RGS6: variants seen among roughly 807,000 people sequenced by gnomAD.
The protein encoded by RGS6 is regulator of G protein signaling 6.
In RGS6, 30 loss-of-function variants were observed where a neutral mutation model predicts 78.5. The observed-to-expected ratio is 0.38, with a 90% CI of 0.29 to 0.52. The LOEUF (loss-of-function observed/expected upper bound fraction) is 0.52, where lower values mean the gene tolerates loss of function less well. Ranked by LOEUF, RGS6 falls within the 20% of genes least tolerant of loss-of-function variation. The probability of loss-of-function intolerance (pLI) is 0.85; values close to 1 mark genes in which losing one functional copy is unlikely to be tolerated. For missense variants in RGS6, 495 were observed against 609.7 expected, an observed-to-expected ratio of 0.81 and a Z score of 1.98; for synonymous variants, 206 against 206.0, an observed-to-expected ratio of 1.00 and a Z score of 0.00.
At chr14:72,139,675 T>C (rs942994540) in intron 2 of RGS6, among the ~76,000 whole-genome samples, 12 of 152,228 alleles carry the variant, frequency 7.9e-5, no homozygotes, top group African/African-American at 2.9e-4. Flanking sequence ...TTTTTTGCCA[T>C]TTATATTTTC....
At chr14:72,593,474 C>G in the RGS6 span, among the ~76,000 whole-genome samples, 1 of 152,158 alleles carries the variant, frequency 6.6e-6, no homozygotes, top group Non-Finnish European at 1.5e-5. Context: ...CAACCTCTGC[C>G]TCCAGGTTCA....
intron 3 of RGS6, among the ~76,000 whole-genome samples, chr14:72,401,259 G>GC (rs2092363807): frequency 6.6e-6 from 1 of 151,992 alleles, no homozygotes; most frequent in African/African-American, 2.4e-5. Flanking sequence ...AATTCTTTTT[G>GC]CGTGCTTCAT....
At chr14:72,106,472 G>A (rs529821089) in intron 2 of RGS6, among the ~76,000 whole-genome samples, 2 of 152,214 alleles carry the variant, frequency 1.3e-5, no homozygotes, top group Admixed American at 6.5e-5. Flanking sequence ...AGTATGAGGT[G>A]GACACTTTGA....
intron 2 of RGS6, among the ~76,000 whole-genome samples, chr14:72,008,888 G>C (rs1363219397): frequency 6.6e-6 from 1 of 152,202 alleles, no homozygotes; most frequent in East Asian, 1.9e-4. Context: ...TGGCTTGGCT[G>C]GCATCCAGGA....
chr14:72,377,016 A>T (rs1210716584), intron 3 of RGS6, among the ~76,000 whole-genome samples: 1 of 152,196 alleles, frequency 6.6e-6, no homozygotes, highest in East Asian at 1.9e-4. Context: ...ATACAAAACA[A>T]GTAAAAAGAA....
At chr14:72,477,813 AAAAG>A (rs2096276483) in intron 11 of RGS6, among the ~76,000 whole-genome samples, 1 of 147,420 alleles carries the variant, frequency 6.8e-6, no homozygotes, top group Non-Finnish European at 1.5e-5. Context: ...AAAAAAGAAA[AAAAG>A]AAAAAAAAAC....
chr14:72,518,270 G>A, intron 14 of RGS6, 81 bp from the exon 15 acceptor site: 1 of 1,354,222 alleles, frequency 7.4e-7, no homozygotes, highest in Non-Finnish European at 1.0e-6. Flanking sequence ...GGTTTCATGG[G>A]ACATCAGCTC....
intron 2 of RGS6, among the ~76,000 whole-genome samples, chr14:72,319,375 A>C (rs1395917647): frequency 6.9e-6 from 1 of 145,946 alleles, no homozygotes; most frequent in African/African-American, 2.6e-5. Context: ...TTTGAGACGG[A>C]GTCTCGCCCT....
At chr14:72,614,894 T>A in the RGS6 span, among the ~76,000 whole-genome samples, 1 of 150,216 alleles carries the variant, frequency 6.7e-6, no homozygotes, top group East Asian at 2.0e-4. Context: ...CCAGAGATCC[T>A]CACCCCTCCC....
At chr14:72,181,282 G>A (rs1050122339) in intron 2 of RGS6, among the ~76,000 whole-genome samples, 4 of 152,170 alleles carry the variant, frequency 2.6e-5, no homozygotes, top group African/African-American at 7.2e-5. Context: ...TTTCTTTGCT[G>A]GGTGATTATT....
intron 2 of RGS6, among the ~76,000 whole-genome samples, chr14:72,124,463 A>G (rs1177281556): frequency 1.3e-5 from 2 of 152,160 alleles, no homozygotes; most frequent in Admixed American, 6.5e-5. Context: ...CTATATTTAA[A>G]TTAGGGGCTT....
chr14:72,551,673 C>T (rs2097508718), intron 17 of RGS6, among the ~76,000 whole-genome samples: 1 of 152,196 alleles, frequency 6.6e-6, no homozygotes, highest in East Asian at 1.9e-4. Flanking sequence ...TTATGTGACC[C>T]TGGGCAAGTC....
chr14:72,296,051 A>G (rs143117454), intron 2 of RGS6, among the ~76,000 whole-genome samples: 24 of 152,324 alleles, frequency 1.6e-4, no homozygotes, highest in Non-Finnish European at 2.1e-4. Context: ...GCAATCACAG[A>G]TGTGATGTCT....
chr14:72,351,596 A>G (rs1229781708), intron 2 of RGS6, among the ~76,000 whole-genome samples: 1 of 152,086 alleles, frequency 6.6e-6, no homozygotes, highest in African/African-American at 2.4e-5. Flanking sequence ...ATGTTACTCT[A>G]GATGTATCCT....
intron 2 of RGS6, among the ~76,000 whole-genome samples, chr14:71,972,182 C>T (rs2093852554): frequency 6.6e-6 from 1 of 151,948 alleles, no homozygotes. Context: ...ATTATCCCAT[C>T]CCTTTTGATA....
At chr14:72,569,188 C>G (rs1438377787), downstream of RGS6, among the ~76,000 whole-genome samples, 2 of 151,944 alleles carry the variant, frequency 1.3e-5, no homozygotes, top group Non-Finnish European at 2.9e-5. Context: ...TTAAAATTCA[C>G]CGTTTTATAT....
rs1394811135 is a variant in RGS6 at position 72,454,559 on chromosome 14, C to A, written c.216C>A (p.Asn72Lys). Residue 72 changes from asparagine to lysine, a missense_variant, in exon 4 of 18, where the codon AAC becomes AAA. By Grantham distance (94) the Asn-to-Lys change is moderately conservative (BLOSUM62 0). Coordinates refer to ENST00000553525, the MANE Select transcript of RGS6 (RefSeq NM_001204424.2). ...ACATTGTGCAGTGGCTTATGAAGAA[C>A]CTTTCCATTGAGGACCCAGGTACTT... ...GTDIVQWLMK[N>K]LSIEDPVEAI... 1 of 1,614,034 alleles carries A rather than the reference C, an allele frequency of 6.2e-7. No homozygotes were observed. Among genetic ancestry groups the A allele is most frequent in the South Asian group, 1.1e-5 (1 of 91,074 alleles).
At chr14:72,133,881 A>G (rs533265707) in intron 2 of RGS6, among the ~76,000 whole-genome samples, 2 of 152,138 alleles carry the variant, frequency 1.3e-5, no homozygotes, top group South Asian at 2.1e-4. Flanking sequence ...GGCATCTTTC[A>G]TATCCAGTCT....
At chr14:72,422,753 G>A (rs766905566) in intron 3 of RGS6, among the ~76,000 whole-genome samples, 2 of 152,180 alleles carry the variant, frequency 1.3e-5, no homozygotes, top group Non-Finnish European at 2.9e-5. Context: ...CATTCTGAGG[G>A]CAGAGGAGGT....
Sources: gnomAD v4.1 joint callset for allele counts (sites outside exome capture counted in the v4.1 genomes callset) on GRCh38, gnomAD v4.1.1 for gene constraint, MANE v1.5 for transcripts, NCBI Gene and HGNC (gene_info 2026-07-23, HGNC 2026-07-21) for gene names.